ZMYM4: variants seen among roughly 807,000 people sequenced by gnomAD.
ZMYM4 encodes the protein zinc finger MYM-type protein 4.
In ZMYM4, 31 loss-of-function variants were observed where a neutral mutation model predicts 183.2. The ratio of observed to expected loss-of-function variants is 0.17; its 90% CI spans 0.13 to 0.23. The LOEUF is 0.23. ZMYM4 is among the 10% of genes least tolerant of loss of function. The probability of loss-of-function intolerance (pLI) is 1.00; values close to 1 mark genes in which losing one functional copy is unlikely to be tolerated. For missense variants in ZMYM4, 1,273 were observed against 1,840.3 expected, an observed-to-expected ratio of 0.69 and a Z score of 5.64; for synonymous variants, 592 against 631.2, an observed-to-expected ratio of 0.94 and a Z score of 0.93.
intron 22 of ZMYM4, 64 bp from the exon 23 acceptor site, chr1:35,399,418 C>CT: frequency 7.0e-7 from 1 of 1,427,528 alleles, no homozygotes; most frequent in East Asian, 2.3e-5. Flanking sequence ...CTTTACTAGT[C>CT]TAAGTCTTTA....
At chr1:35,298,412 A>G (rs1015250207) in intron 1 of ZMYM4, among the ~76,000 whole-genome samples, 1 of 152,106 alleles carries the variant, frequency 6.6e-6, no homozygotes, top group African/African-American at 2.4e-5. Flanking sequence ...CTGTGTCTCA[A>G]AAAAAAGTCA....
intron 1 of ZMYM4, among the ~76,000 whole-genome samples, chr1:35,284,012 C>G (rs1239000343): frequency 6.6e-6 from 1 of 151,766 alleles, no homozygotes; most frequent in Non-Finnish European, 1.5e-5. Context: ...CTCTGTCGCC[C>G]AGGCTGGACT....
Position 35,389,277 on chromosome 1 carries a change from G to A in ZMYM4, c.2436+195G>A, listed in dbSNP as rs1268226418. Among the ~76,000 whole-genome samples, 1 of 152,104 alleles carries A rather than the reference G, an allele frequency of 6.6e-6. No individual in the cohort carries two copies. Among genetic ancestry groups the A allele is most frequent in the Non-Finnish European group, 1.5e-5 (1 of 68,024 alleles). On this transcript the variant is annotated intron_variant, in intron 14 of 29. Coordinates refer to ENST00000314607, the MANE Select transcript of ZMYM4 (RefSeq NM_005095.3). This position sits in a 1 kb window ranked among gnomAD's most constrained non-coding sequence, Gnocchi z 4.0. ...AGTTTTCTTTTGTTTTTAATTTCCT[G>A]TAGGAGACATATCAGTCTTAAGACA...
intron 1 of ZMYM4, among the ~76,000 whole-genome samples, chr1:35,299,475 G>A (rs1300378570): frequency 6.6e-6 from 1 of 152,214 alleles, no homozygotes; most frequent in African/African-American, 2.4e-5. Context: ...CCTCTTTAGA[G>A]GTTTCCCATT....
At chr1:35,415,968 A>G (rs1640097939) in intron 28 of ZMYM4, among the ~76,000 whole-genome samples, 1 of 152,268 alleles carries the variant, frequency 6.6e-6, no homozygotes, top group Non-Finnish European at 1.5e-5. Flanking sequence ...AATAGCCTGC[A>G]TTTTAAAACT....
chr1:35,311,776 A>G (rs1017632317), intron 1 of ZMYM4, among the ~76,000 whole-genome samples: 5 of 152,236 alleles, frequency 3.3e-5, no homozygotes, highest in Non-Finnish European at 7.3e-5. Context: ...AATAGTCTAT[A>G]TATAGAAATA....
At chr1:35,300,553 A>G (rs898142322) in intron 1 of ZMYM4, among the ~76,000 whole-genome samples, 3 of 152,120 alleles carry the variant, frequency 2.0e-5, no homozygotes, top group Non-Finnish European at 4.4e-5. Flanking sequence ...TATGTATATT[A>G]TATCACTAGA....
chr1:35,326,608 G>A (rs1173644756), intron 2 of ZMYM4, among the ~76,000 whole-genome samples: 1 of 151,998 alleles, frequency 6.6e-6, no homozygotes, highest in Non-Finnish European at 1.5e-5. Context: ...GTCATGGGTG[G>A]CCGAAGCCTA....
intron 1 of ZMYM4, among the ~76,000 whole-genome samples, chr1:35,301,503 G>GCCA (rs1329775032): frequency 3.3e-5 from 5 of 150,276 alleles, no homozygotes; most frequent in Admixed American, 2.7e-4. Flanking sequence ...CCAAGGTCAT[G>GCCA]CCACTGTACT....
At chr1:35,409,741 A>T (rs1258412824) in intron 26 of ZMYM4, among the ~76,000 whole-genome samples, 1 of 152,012 alleles carries the variant, frequency 6.6e-6, no homozygotes, top group Admixed American at 6.6e-5. Context: ...GGAGTTCGAG[A>T]CCAGCCTGGC....
At chr1:35,278,126 A>G (rs180870385) in intron 1 of ZMYM4, among the ~76,000 whole-genome samples, 1 of 152,068 alleles carries the variant, frequency 6.6e-6, no homozygotes, top group African/African-American at 2.4e-5. Flanking sequence ...TGTGGCGGCA[A>G]AACTCCTGTC....
At chr1:35,375,053 C>G (rs1250097963) in intron 7 of ZMYM4, among the ~76,000 whole-genome samples, 1 of 152,172 alleles carries the variant, frequency 6.6e-6, no homozygotes, top group Non-Finnish European at 1.5e-5. Context: ...TTTTTATTCA[C>G]TTAGTCTTTT....
rs564104393 is a variant in ZMYM4 at position 35,402,345 on chromosome 1, A to G, written c.3529-2678A>G. ...TAAATTTCATTTTTCACTGAGCACA[A>G]TGACTCACACCTATAATCCTAGTAC... On this transcript the variant is annotated intron_variant, in intron 23 of 29. Transcript: ENST00000314607. Among the ~76,000 whole-genome samples the G allele has an allele frequency of 3.3e-4, 51 of 152,274 alleles. 1 individual carries two copies. The highest frequency in any genetic ancestry group is 1.2e-3 in the African/African-American group (50 of 41,578).
At chr1:35,325,031 A>G (rs920332034) in intron 1 of ZMYM4, among the ~76,000 whole-genome samples, 1 of 151,738 alleles carries the variant, frequency 6.6e-6, no homozygotes, top group Non-Finnish European at 1.5e-5. Context: ...GGTGTTAGTA[A>G]GTTCTTATGA....
At chr1:35,313,499 G>T (rs952198968) in intron 1 of ZMYM4, among the ~76,000 whole-genome samples, 1 of 141,036 alleles carries the variant, frequency 7.1e-6, no homozygotes, top group South Asian at 2.3e-4. Flanking sequence ...AATGATTCTT[G>T]TGCCTCAGCC....
At chr1:35,321,589 CTGTGTG>C (rs141218579) in intron 1 of ZMYM4, among the ~76,000 whole-genome samples, 1 of 147,838 alleles carries the variant, frequency 6.8e-6, no homozygotes, top group South Asian at 2.1e-4. Context: ...ACTTTCAGAG[CTGTGTG>C]TGTGTGTGTG....
chr1:35,393,512 T>C (rs2148995990), intron 17 of ZMYM4, 83 bp from the exon 18 acceptor site: 1 of 1,277,060 alleles, frequency 7.8e-7, no homozygotes, highest in East Asian at 2.6e-5. Context: ...CAATATGACA[T>C]TTCCTTTAAT....
chr1:35,402,548 G>T (rs372367026), intron 23 of ZMYM4, among the ~76,000 whole-genome samples: 14 of 151,988 alleles, frequency 9.2e-5, no homozygotes, highest in Admixed American at 5.9e-4. Flanking sequence ...GCCTAGGGGG[G>T]GTCGAGGCTG....
At chr1:35,289,263 A>G (rs919066997) in intron 1 of ZMYM4, among the ~76,000 whole-genome samples, 1 of 152,206 alleles carries the variant, frequency 6.6e-6, no homozygotes, top group Middle Eastern at 3.2e-3. Context: ...AGGGAGCAAG[A>G]TGGGAAACAG....
Sources: gnomAD v4.1 joint callset for allele counts (sites outside exome capture counted in the v4.1 genomes callset) on GRCh38, gnomAD v4.1.1 for gene constraint, Gnocchi (gnomAD v3.1) non-coding constraint, MANE v1.5 for transcripts, NCBI Gene and HGNC (gene_info 2026-07-23, HGNC 2026-07-21) for gene names.